The following NAGPA variants were observed in gnomAD, a reference collection of about 807,000 sequenced individuals.
NAGPA encodes alpha-N-acetylglucosaminyl phosphodiesterase.
NAGPA carries 56 observed loss-of-function variants against 48.5 expected under a neutral mutation model. That is an observed-to-expected ratio of 1.15 (90% confidence interval 0.93 to 1.44). NAGPA has a LOEUF of 1.44. NAGPA is among the 40% of genes most tolerant of loss of function. The pLI, the probability that NAGPA is intolerant of heterozygous loss-of-function variation, is 0.00. For synonymous variants in NAGPA, 399 were observed against 315.5 expected (o/e 1.26, Z -2.81); for missense variants, 888 against 735.0 (o/e 1.21, Z -2.41).
rs890254403 is a variant in NAGPA, at chr16:5,029,081, A to G, written c.792-73T>C. 9 of 1,599,280 alleles carry G rather than the reference A, an allele frequency of 5.6e-6. No individual in the cohort carries two copies. The African/African-American group carries it at 1.1e-4, about 19-fold the overall frequency. ...CTCATTTAACTCCTTTTCCTTCCAC[A>G]GTGCAGAGCATCACGCCCACAGTGC... On this transcript the variant is annotated intron_variant, in intron 4 of 9. Coordinates refer to ENST00000312251, the MANE Select transcript of NAGPA (RefSeq NM_016256.4).
In NAGPA at chr16:5,027,898, C is replaced by A. The variant is rs370439272; in HGVS notation, c.1127-5G>T. ...CGGCATCACAGCGGCAGCCGGCTGC[C>A]GAGACAAGACCGGGGAGGCCAGGTG... On this transcript the variant is annotated splice_region_variant and splice_polypyrimidine_tract_variant and intron_variant, in intron 6 of 9. Transcript: ENST00000312251. The A allele has an allele frequency of 6.2e-7, 1 of 1,601,212 alleles. No individual in the cohort carries two copies. Among genetic ancestry groups the A allele is most frequent in the African/African-American group, 1.3e-5 (1 of 74,548 alleles).
intron 9 of NAGPA, among the ~76,000 whole-genome samples, chr16:5,026,758 G>A (rs376779166): frequency 3.3e-5 from 5 of 152,240 alleles, no homozygotes; most frequent in Admixed American, 2.0e-4. Context: ...AAAATTAGCC[G>A]GGCATGGGGG....
rs566306160 is a variant in NAGPA at position 5,031,479 on chromosome 16, A to G, written c.682+266T>C. 4.2e-4 allele frequency: 199 copies of G among 475,036 alleles called. 1 individual carries two copies. Among genetic ancestry groups the G allele is most frequent in the South Asian group, 4.1e-3 (191 of 46,738 alleles). 29.4% of individuals were successfully genotyped at this position (475,036 alleles called of 1,614,324 possible). On this transcript the variant is annotated intron_variant, in intron 3 of 9. Transcript: ENST00000312251. The stretch of plus-strand genomic sequence containing the variant: ...TTCACTTTTCTCTTCCTGTACCCAC[A>G]GCTCCGGTCCCCATCTCTCCCCTTT...
intron 7 of NAGPA, among the ~76,000 whole-genome samples, chr16:5,027,644 C>T (rs974336102): frequency 2.0e-5 from 3 of 152,166 alleles, no homozygotes; most frequent in African/African-American, 7.2e-5. Flanking sequence ...AGCCCGGGGA[C>T]CCTTGTTTTA....
At position 5,033,251 on chromosome 16, in the gene NAGPA, A is replaced by G; in HGVS notation, c.542+22T>C. On this transcript the variant is annotated intron_variant, in intron 2 of 9. Transcript: ENST00000312251. This position sits in a 1 kb window ranked among gnomAD's most constrained non-coding sequence, Gnocchi z 4.2. ...TCTCAGGCCCTCTGCCCTCGACAGC[A>G]CGGGGCTCCCTGCCTCCTCACCCGG... 6.3e-7 allele frequency: 1 copy of G among 1,575,968 alleles called. No individual in the cohort carries two copies. The highest frequency in any genetic ancestry group is 2.3e-5 in the East Asian group (1 of 43,190).
chr16:5,027,084 G>A lies in NAGPA; in HGVS notation c.1340+51C>T, dbSNP rs186223385. 5.0e-6 allele frequency: 8 copies of A among 1,603,156 alleles called. No homozygotes were observed. The East Asian group carries it at 1.3e-4, about 27-fold the overall frequency. On this transcript the variant is annotated intron_variant, in intron 9 of 9. Transcript: ENST00000312251. The stretch of plus-strand genomic sequence containing the variant: ...GACCTCACAGGGGAAGGGTGCGGGA[G>A]AGAAGGGGGATTCCTCCCGCCCTGG...
chr16:5,027,000 G>C, intron 9 of NAGPA, 135 bp downstream of exon 9: 1 of 1,099,908 alleles, frequency 9.1e-7, no homozygotes. Context: ...CAGACAGTGG[G>C]GAGAGCTGGT....
At position 5,028,911 on chromosome 16, in the gene NAGPA, C is replaced by T. The variant is rs1042800909; in HGVS notation, c.889G>A (p.Gly297Arg). The T allele has an allele frequency of 1.4e-5, 22 of 1,613,968 alleles. No homozygotes were observed. The highest frequency in any genetic ancestry group is 1.7e-5 in the Admixed American group (1 of 60,012). ...GGGSATFVLN[G>R]TLASYPSDHC... ...TCTGACGGGTAACTGGCCAAGGTCCCGTTGAGCACAAAGGTGGCAGAGCCA... is the reference window on the plus strand; with the variant it reads ...TCTGACGGGTAACTGGCCAAGGTCCTGTTGAGCACAAAGGTGGCAGAGCCA... The change falls in exon 5 of 10, where the codon GGG becomes AGG. Residue 297 changes from glycine to arginine, a missense_variant. By Grantham distance (125) the Gly-to-Arg change is moderately radical. Coordinates refer to ENST00000312251, the MANE Select transcript of NAGPA (RefSeq NM_016256.4).
Position 5,033,898 on chromosome 16 carries a change from C to A in NAGPA, c.17G>T (p.Gly6Val), listed in dbSNP as rs1218006989. Reference protein sequence around the residue: MATSTGRWLLLRLALF... With the variant: MATSTVRWLLLRLALF... ...TGCAAGCCGGAGGAGAAGCCAGCGA[C>A]CCGTGGAGGTCGCCATATTGGACCG... Residue 6 changes from glycine (G) to valine (V), a missense_variant, in exon 1 of 10, where the codon GGT becomes GTT. Coordinates refer to ENST00000312251, the MANE Select transcript of NAGPA (RefSeq NM_016256.4). The surrounding 1 kb of genome is among the most constrained non-coding windows in gnomAD (Gnocchi z 4.2). 1 of 1,549,212 alleles carries A rather than the reference C, an allele frequency of 6.5e-7. No individual in the cohort carries two copies. The highest frequency in any genetic ancestry group is 8.7e-7 in the Non-Finnish European group (1 of 1,146,908).
rs2142552594 is a variant in NAGPA at position 5,024,960 on chromosome 16, C to A, written c.*518G>T. On this transcript the variant is annotated 3_prime_UTR_variant, in exon 10 of 10. Coordinates refer to ENST00000312251, the MANE Select transcript of NAGPA (RefSeq NM_016256.4). Reference sequence around the variant, plus strand: ...GGTCTGTAAACATGATCTCATCCCCCCATCCCTTCTTCCAAGGAGCTTCCT... The same window carrying A: ...GGTCTGTAAACATGATCTCATCCCCACATCCCTTCTTCCAAGGAGCTTCCT... The A allele has an allele frequency of 6.1e-6, 1 of 163,736 alleles. No individual in the cohort carries two copies. The allele number at this position is 163,736 out of a possible 1,614,324, so 10.1% of individuals were successfully genotyped here.
chr16:5,027,629 G>A (rs1956025612), intron 7 of NAGPA, among the ~76,000 whole-genome samples: 1 of 152,332 alleles, frequency 6.6e-6, no homozygotes, highest in South Asian at 2.1e-4. Flanking sequence ...GGGCCCTGGA[G>A]CCAGAGCCCG....
At chr16:5,027,466 C>G (rs1161283405) in intron 7 of NAGPA, 87 bp from the exon 8 acceptor site, 15 of 1,367,646 alleles carry the variant, frequency 1.1e-5, no homozygotes, top group Non-Finnish European at 1.0e-6. Context: ...GACAGGATAC[C>G]TGCCCCTGCC....
Position 5,028,095 on chromosome 16 carries a change from G to C in NAGPA, c.1011C>G (p.His337Gln), listed in dbSNP as rs769130183. ...PRCQPPDCHG[H>Q]GTCVDGHCQC... ...GGCAGTGCCCGTCCACGCAGGTCCC[G>C]TGGCCGTGGCAGTCAGGCGGCTGGC... The change falls in exon 6 of 10, where the codon CAC becomes CAG. Residue 337 changes from histidine (H) to glutamine (Q), a missense_variant. Coordinates refer to ENST00000312251, the MANE Select transcript of NAGPA (RefSeq NM_016256.4). 3 of 1,612,708 alleles carry C rather than the reference G, an allele frequency of 1.9e-6. No individual in the cohort carries two copies. The Admixed American group carries it at 5.0e-5, about 27-fold the overall frequency.
rs777312583 is a variant in NAGPA at position 5,031,785 on chromosome 16, G to A, written c.642C>T (p.Asn214=). 12 of 1,613,994 alleles carry A rather than the reference G, an allele frequency of 7.4e-6. No homozygotes were observed. Among genetic ancestry groups the A allele is most frequent in the South Asian group, 2.2e-5 (2 of 91,080 alleles). The change falls in exon 3 of 10, where the codon AAC becomes AAT. Residue 214 remains asparagine, a synonymous_variant. Transcript: ENST00000312251. The stretch of plus-strand genomic sequence containing the variant: ...CGTCACACTCTGTGGCTTGGCTCTC[G>A]TTGATGTAGATGCTTCCATTACGAA... ...WLIRNGSIYI[N]ESQATECDET... is the part of the protein sequence containing the mutation.
chr16:5,030,531 G>T (rs987623409), intron 3 of NAGPA, 38 bp from the exon 4 acceptor site: 2 of 1,500,232 alleles, frequency 1.3e-6, no homozygotes, highest in Non-Finnish European at 9.1e-7. Context: ...CCGCCCCTTG[G>T]GAGGCCTCCT....
chr16:5,027,164 C>T lies in NAGPA; in HGVS notation c.1311G>A (p.Leu437=). 6.2e-7 allele frequency: 1 copy of T among 1,614,246 alleles called. No individual in the cohort carries two copies. The highest frequency in any genetic ancestry group is 1.3e-5 in the African/African-American group (1 of 75,066). Reference sequence around the variant, plus strand: ...TGAAAAAGGAGAGTTCTCCCGCCCTCAGGGTGGCTTCAGGTGGCTGGAGAC... The same window carrying T: ...TGAAAAAGGAGAGTTCTCCCGCCCTTAGGGTGGCTTCAGGTGGCTGGAGAC... ...KQCLQPPEAT[L]RAGELSFFTR... is the part of the protein sequence containing the mutation. The change falls in exon 9 of 10, where the codon CTG becomes CTA. Residue 437 remains leucine, a synonymous_variant. Coordinates refer to ENST00000312251, the MANE Select transcript of NAGPA (RefSeq NM_016256.4).
Position 5,028,204 on chromosome 16 carries a change from T to C in NAGPA, c.921-19A>G. 1.9e-6 allele frequency: 3 copies of C among 1,552,516 alleles called. No individual in the cohort carries two copies. The highest frequency in any genetic ancestry group is 1.7e-6 in the Non-Finnish European group (2 of 1,147,466). ...GTCCTGGCTGTAGAGGGATGTGATG[T>C]GTGAGGAGAGGACACCCCCAGACGG... On this transcript the variant is annotated intron_variant, in intron 5 of 9. Coordinates refer to ENST00000312251, the MANE Select transcript of NAGPA (RefSeq NM_016256.4).
At position 5,031,894 on chromosome 16, in the gene NAGPA, G is replaced by C; in HGVS notation, c.543-10C>G. The C allele has an allele frequency of 6.2e-7, 1 of 1,614,098 alleles. No homozygotes were observed. Among genetic ancestry groups the C allele is most frequent in the South Asian group, 1.1e-5 (1 of 91,068 alleles). ...CTCCTCAGACAGGTACCTGGATCCG[G>C]GGAAGGTGGGAAGCTCACTCACCAG... On this transcript the variant is annotated splice_polypyrimidine_tract_variant and intron_variant, in intron 2 of 9. Transcript: ENST00000312251.
At chr16:5,027,507 C>G in intron 7 of NAGPA, 128 bp from the exon 8 acceptor site, 1 of 985,930 alleles carries the variant, frequency 1.0e-6, no homozygotes, top group Non-Finnish European at 1.6e-6. Flanking sequence ...AAAGGTGAAG[C>G]ACCCCCTGCC....
Sources: allele counts gnomAD v4.1 joint callset (sites outside exome capture counted in the v4.1 genomes callset), GRCh38; gene constraint gnomAD v4.1.1; non-coding constraint Gnocchi (gnomAD v3.1); transcripts MANE v1.5; gene names NCBI Gene and HGNC (gene_info 2026-07-23, HGNC 2026-07-21).